Variants in MRAP2 observed in about 807,000 individuals in gnomAD.
MRAP2 encodes melanocortin-2 receptor accessory protein 2.
A neutral mutation model predicts 17.4 loss-of-function variants in MRAP2; 20 were observed. The observed-to-expected ratio is 1.15, with a 90% CI of 0.81 to 1.67. The LOEUF (loss-of-function observed/expected upper bound fraction) is 1.67. Among genes scored for constraint, MRAP2 ranks in the 40% most tolerant of loss-of-function variants. The pLI, the probability that MRAP2 is intolerant of heterozygous loss-of-function variation, is 0.00. For synonymous variants in MRAP2, 96 were observed against 88.4 expected (o/e 1.09, Z -0.48); for missense variants, 238 against 240.0 (o/e 0.99, Z 0.05).
At chr6:84,049,981 C>CGTGTGT (rs566111982) in intron 1 of MRAP2, among the ~76,000 whole-genome samples, 4 of 134,368 alleles carry the variant, frequency 3.0e-5, no homozygotes, top group African/African-American at 1.0e-4. Flanking sequence ...TGCGTGCATT[C>CGTGTGT]ATGTGTGTGT....
intron 3 of MRAP2, among the ~76,000 whole-genome samples, chr6:84,083,595 G>A (rs1022977037): frequency 2.0e-5 from 3 of 151,868 alleles, no homozygotes; most frequent in Admixed American, 6.6e-5. Flanking sequence ...AGTAAACCCG[G>A]GCAAAATTGT....
the MRAP2 span, among the ~76,000 whole-genome samples, chr6:84,104,146 G>A: frequency 6.6e-6 from 1 of 152,192 alleles, no homozygotes; most frequent in Non-Finnish European, 1.5e-5. Context: ...GCTGTGCCAA[G>A]GCTTGGGGCT....
chr6:84,039,047 G>A (rs1463809567), intron 1 of MRAP2, among the ~76,000 whole-genome samples: 1 of 152,192 alleles, frequency 6.6e-6, no homozygotes, highest in African/African-American at 2.4e-5. Flanking sequence ...GGAAGACTTA[G>A]AGGCAGAAGC....
chr6:84,104,724 C>A, the MRAP2 span, among the ~76,000 whole-genome samples: 1 of 152,026 alleles, frequency 6.6e-6, no homozygotes, highest in Non-Finnish European at 1.5e-5. Context: ...AAAAATTAGC[C>A]AGGCATGGTG....
At chr6:84,092,748 G>A (rs1015459344), downstream of MRAP2, among the ~76,000 whole-genome samples, 12 of 152,026 alleles carry the variant, frequency 7.9e-5, no homozygotes, top group Non-Finnish European at 1.8e-4. Flanking sequence ...TTAGCTCTCC[G>A]TATAGGTGGG....
chr6:84,122,063 T>C, the MRAP2 span, among the ~76,000 whole-genome samples: 3 of 151,902 alleles, frequency 2.0e-5, no homozygotes, highest in African/African-American at 4.8e-5. Flanking sequence ...ATAAATCAAA[T>C]TGGTAATAAA....
chr6:84,097,166 T>C, the MRAP2 span, among the ~76,000 whole-genome samples: 1 of 152,114 alleles, frequency 6.6e-6, no homozygotes, highest in Non-Finnish European at 1.5e-5. Context: ...TATGTCCTAC[T>C]CTCCTGCCCA....
At chr6:84,139,892 A>T in the MRAP2 span, among the ~76,000 whole-genome samples, 1 of 129,862 alleles carries the variant, frequency 7.7e-6, no homozygotes, top group East Asian at 1.9e-4. Context: ...CAGAACACAG[A>T]CATAGGTCAT....
the MRAP2 span, among the ~76,000 whole-genome samples, chr6:84,141,979 T>A: frequency 6.6e-6 from 1 of 152,178 alleles, no homozygotes; most frequent in Non-Finnish European, 1.5e-5. Context: ...TTTCTCAGTC[T>A]CTCAGAGATG....
chr6:84,144,080 C>T, the MRAP2 span, among the ~76,000 whole-genome samples: 1 of 151,912 alleles, frequency 6.6e-6, no homozygotes, highest in African/African-American at 2.4e-5. Context: ...TTGACAACTT[C>T]CTCAAATCAA....
At chr6:84,132,610 T>C in the MRAP2 span, among the ~76,000 whole-genome samples, 1 of 152,210 alleles carries the variant, frequency 6.6e-6, no homozygotes, top group Admixed American at 6.5e-5. Flanking sequence ...CAATCACTGA[T>C]ACCCTTTCTT....
chr6:84,143,348 GCTT>G, the MRAP2 span, among the ~76,000 whole-genome samples: 2 of 152,048 alleles, frequency 1.3e-5, no homozygotes, highest in South Asian at 4.1e-4. Context: ...GGTCATGGCT[GCTT>G]TGTAGTTTTC....
At chr6:84,122,554 C>A in the MRAP2 span, among the ~76,000 whole-genome samples, 1 of 152,032 alleles carries the variant, frequency 6.6e-6, no homozygotes, top group Non-Finnish European at 1.5e-5. Context: ...ACACCCTCAA[C>A]AAACTAGGCT....
chr6:84,035,357 A>C (rs1246520993), intron 1 of MRAP2: 1 of 907,044 alleles, frequency 1.1e-6, no homozygotes, highest in African/African-American at 1.8e-5. Flanking sequence ...ATAGCTCAAA[A>C]CTACCTAGGG....
At chr6:84,077,355 G>A (rs147350960) in intron 3 of MRAP2, among the ~76,000 whole-genome samples, 30 of 152,360 alleles carry the variant, frequency 2.0e-4, no homozygotes, top group African/African-American at 6.3e-4. Context: ...AACAGCACAA[G>A]CGAAGGCACA....
At chr6:84,096,668 G>A in the MRAP2 span, among the ~76,000 whole-genome samples, 1 of 152,160 alleles carries the variant, frequency 6.6e-6, no homozygotes, top group African/African-American at 2.4e-5. Flanking sequence ...GTTAGAGCAG[G>A]GGAAAAGCCA....
At chr6:84,116,803 A>T in the MRAP2 span, among the ~76,000 whole-genome samples, 1 of 152,092 alleles carries the variant, frequency 6.6e-6, no homozygotes. Flanking sequence ...TGACTTGTGT[A>T]TGTTGAACCA....
At chr6:84,100,404 C>A in the MRAP2 span, among the ~76,000 whole-genome samples, 1 of 152,044 alleles carries the variant, frequency 6.6e-6, no homozygotes, top group Non-Finnish European at 1.5e-5. Context: ...GCTGAGACTG[C>A]AGGCACCTGC....
chr6:84,120,497 T>G, the MRAP2 span, among the ~76,000 whole-genome samples: 10 of 152,150 alleles, frequency 6.6e-5, no homozygotes, highest in Admixed American at 6.5e-4. Flanking sequence ...CTAAGTGCAA[T>G]GATTAAGGAA....
Sources: gnomAD v4.1 joint callset for allele counts (sites outside exome capture counted in the v4.1 genomes callset) on GRCh38, gnomAD v4.1.1 for gene constraint, MANE v1.5 for transcripts, NCBI Gene and HGNC (gene_info 2026-07-23, HGNC 2026-07-21) for gene names.